The following EFR3A variants were observed in gnomAD, a reference collection of about 807,000 sequenced individuals.
The protein encoded by EFR3A is protein EFR3 homolog A.
Under a neutral mutation model 104.4 loss-of-function variants are expected in EFR3A, and 76 were observed. The ratio of observed to expected loss-of-function variants is 0.73; its 90% CI spans 0.60 to 0.88. The LOEUF (loss-of-function observed/expected upper bound fraction) is 0.88, where lower values mean the gene tolerates loss of function less well. Ranked by LOEUF, EFR3A falls within the 40% of genes least tolerant of loss-of-function variation. EFR3A has a pLI of 0.00. For missense variants in EFR3A, 985 were observed against 1,012.5 expected, an observed-to-expected ratio of 0.97 and a Z score of 0.37; for synonymous variants, 330 against 330.0, an observed-to-expected ratio of 1.00 and a Z score of 0.00.
At chr8:131,937,366 CAG>C (rs908712181) in intron 1 of EFR3A, among the ~76,000 whole-genome samples, 4 of 152,102 alleles carry the variant, frequency 2.6e-5, no homozygotes, top group African/African-American at 9.7e-5. Context: ...GACTAAGGCT[CAG>C]AGAGCTGTAT....
intron 4 of EFR3A, among the ~76,000 whole-genome samples, chr8:131,947,395 A>G (rs1322793213): frequency 6.6e-6 from 1 of 151,848 alleles, no homozygotes; most frequent in Non-Finnish European, 1.5e-5. Flanking sequence ...AGTTCTTTAT[A>G]TATTCTTGAT....
chr8:131,921,611 CT>C (rs940798537), intron 1 of EFR3A, among the ~76,000 whole-genome samples: 2 of 152,050 alleles, frequency 1.3e-5, no homozygotes, highest in African/African-American at 4.8e-5. Context: ...ATGGTATAAT[CT>C]TTTTTTCTTT....
intron 1 of EFR3A, among the ~76,000 whole-genome samples, chr8:131,915,738 A>G (rs1406173473): frequency 2.6e-5 from 4 of 152,168 alleles, no homozygotes; most frequent in Non-Finnish European, 5.9e-5. Flanking sequence ...GGATTGGGGA[A>G]ACTGTTTGAG....
At chr8:131,914,555 A>G (rs957832288) in intron 1 of EFR3A, among the ~76,000 whole-genome samples, 1 of 152,124 alleles carries the variant, frequency 6.6e-6, no homozygotes, top group Admixed American at 6.6e-5. Flanking sequence ...AGAGTATAAT[A>G]AGGACTGTTG....
Position 131,917,331 on chromosome 8 carries a change from G to A in EFR3A, c.10+13009G>A, listed in dbSNP as rs371438805. On this transcript the variant is annotated intron_variant, in intron 1 of 22. Transcript: ENST00000254624. ...GTTCTCCTTTCCTCCCCGTCGATTG[G>A]TTTCTCGGCATCTACTTGGTATGAC... 3.6e-4 allele frequency among the ~76,000 whole-genome samples: 55 copies of A among 152,268 alleles called. No homozygotes were observed. In the South Asian group the frequency reaches 0.01, roughly 29 times the overall value.
chr8:131,914,882 T>A (rs1395739775), intron 1 of EFR3A, among the ~76,000 whole-genome samples: 1 of 152,156 alleles, frequency 6.6e-6, no homozygotes, highest in Admixed American at 6.5e-5. Flanking sequence ...ATCATTTGGC[T>A]CCCACTTATA....
At chr8:131,966,939 A>G (rs1243438507) in intron 8 of EFR3A, among the ~76,000 whole-genome samples, 2 of 152,086 alleles carry the variant, frequency 1.3e-5, no homozygotes, top group East Asian at 1.9e-4. Context: ...GTTGTTCTTT[A>G]TAAGTAGAAA....
At chr8:131,982,793 G>GT (rs1231111977) in intron 14 of EFR3A, among the ~76,000 whole-genome samples, 4 of 151,862 alleles carry the variant, frequency 2.6e-5, no homozygotes, top group Non-Finnish European at 5.9e-5. Flanking sequence ...CCAATGCATA[G>GT]TTTTTTTTAC....
chr8:131,942,118 G>A (rs1293739995), intron 2 of EFR3A, among the ~76,000 whole-genome samples: 2 of 152,054 alleles, frequency 1.3e-5, no homozygotes, highest in African/African-American at 2.4e-5. Flanking sequence ...ACTTTAACTT[G>A]TAGTCAGTGA....
chr8:131,987,500 G>T (rs556558418), intron 17 of EFR3A, 75 bp from the exon 18 acceptor site: 1 of 1,443,566 alleles, frequency 6.9e-7, no homozygotes, highest in Non-Finnish European at 9.2e-7. Context: ...TTTTGCTCTG[G>T]AATGTTTTGC....
intron 6 of EFR3A, 25 bp downstream of exon 6, chr8:131,953,992 A>T (rs773520816): frequency 2.0e-6 from 3 of 1,504,996 alleles, no homozygotes; most frequent in Non-Finnish European, 1.8e-6. Flanking sequence ...ATTAGTGTTG[A>T]GACAGTGTTA....
intron 1 of EFR3A, among the ~76,000 whole-genome samples, chr8:131,908,057 GTT>G (rs113534228): frequency 4.1e-5 from 6 of 144,996 alleles, no homozygotes; most frequent in African/African-American, 1.5e-4. Flanking sequence ...AGAATTTGAG[GTT>G]TTTTTTTTTT....
intron 4 of EFR3A, among the ~76,000 whole-genome samples, chr8:131,947,030 T>TA (rs1818475014): frequency 6.6e-6 from 1 of 152,078 alleles, no homozygotes; most frequent in Non-Finnish European, 1.5e-5. Context: ...TGTGTGGATG[T>TA]ATGTTTTTCA....
At chr8:131,950,250 A>G (rs937784169) in intron 5 of EFR3A, among the ~76,000 whole-genome samples, 160 bp downstream of exon 5, 2 of 152,164 alleles carry the variant, frequency 1.3e-5, no homozygotes, top group African/African-American at 4.8e-5. Context: ...TAGCAAAATG[A>G]GAATGGTTTT....
chr8:131,979,871 T>A (rs1441784301), intron 14 of EFR3A, among the ~76,000 whole-genome samples: 2 of 152,164 alleles, frequency 1.3e-5, no homozygotes, highest in African/African-American at 2.4e-5. Context: ...TTGGGCAGGA[T>A]CTCTGCCCCA....
intron 7 of EFR3A, among the ~76,000 whole-genome samples, chr8:131,958,146 GTAAA>G (rs1819119644): frequency 6.6e-6 from 1 of 152,078 alleles, no homozygotes; most frequent in African/African-American, 2.4e-5. Context: ...GCTTGAAGCG[GTAAA>G]TAAAGTTTAT....
intron 19 of EFR3A, among the ~76,000 whole-genome samples, chr8:132,000,548 A>G (rs1821737900): frequency 6.6e-6 from 1 of 152,180 alleles, no homozygotes; most frequent in South Asian, 2.1e-4. Flanking sequence ...CCTGAGATTG[A>G]CAGGTGATAA....
At chr8:131,920,267 G>A (rs1816937709) in intron 1 of EFR3A, among the ~76,000 whole-genome samples, 1 of 152,114 alleles carries the variant, frequency 6.6e-6, no homozygotes, top group African/African-American at 2.4e-5. Flanking sequence ...ATTTTGCTGT[G>A]AGTTTGTAAA....
chr8:131,936,470 T>C (rs1486767921), intron 1 of EFR3A, among the ~76,000 whole-genome samples: 2 of 151,942 alleles, frequency 1.3e-5, no homozygotes, highest in Non-Finnish European at 2.9e-5. Context: ...CCCACAGGAC[T>C]GCCTCCCTCC....
Sources: gnomAD v4.1 joint callset for allele counts (sites outside exome capture counted in the v4.1 genomes callset) on GRCh38, gnomAD v4.1.1 for gene constraint, MANE v1.5 for transcripts, NCBI Gene and HGNC (gene_info 2026-07-23, HGNC 2026-07-21) for gene names.